The following THRB variants were observed in gnomAD, a reference collection of about 807,000 sequenced individuals.
THRB encodes nuclear receptor subfamily 1 group A member 2.
A neutral mutation model predicts 47.8 loss-of-function variants in THRB; 12 were observed. That is an observed-to-expected ratio of 0.25 (90% CI 0.16 to 0.41). THRB has a LOEUF of 0.41. Among genes scored for constraint, THRB ranks in the 10% least tolerant of loss-of-function variants. THRB has a pLI of 1.00. For synonymous variants in THRB, 218 were observed against 212.2 expected (o/e 1.03, Z -0.24); for missense variants, 348 against 589.2 (o/e 0.59, Z 4.24).
intron 1 of THRB, among the ~76,000 whole-genome samples, chr3:24,429,124 A>AT: frequency 6.6e-6 from 1 of 151,874 alleles, no homozygotes; most frequent in East Asian, 1.9e-4. Context: ...TATAAGTTAC[A>AT]TTTTAATACA....
At chr3:24,404,454 A>G (rs2067665788) in intron 1 of THRB, among the ~76,000 whole-genome samples, 1 of 151,942 alleles carries the variant, frequency 6.6e-6, no homozygotes, top group African/African-American at 2.4e-5. Context: ...TTTGCGGATT[A>G]ATTTTCTTCA....
At chr3:24,185,909 G>A (rs1362968031) in intron 5 of THRB, among the ~76,000 whole-genome samples, 1 of 152,176 alleles carries the variant, frequency 6.6e-6, no homozygotes, top group Non-Finnish European at 1.5e-5. Flanking sequence ...ACAGTGTGGG[G>A]TTCTCAGAAG....
intron 5 of THRB, among the ~76,000 whole-genome samples, chr3:24,177,993 T>A (rs138003488): frequency 6.6e-6 from 1 of 152,284 alleles, no homozygotes; most frequent in Non-Finnish European, 1.5e-5. Flanking sequence ...GCCCCTATTA[T>A]GGAGAAAGGT....
intron 3 of THRB, among the ~76,000 whole-genome samples, chr3:24,277,662 A>G (rs574571026): frequency 6.6e-6 from 1 of 152,326 alleles, no homozygotes; most frequent in South Asian, 2.1e-4. Context: ...CCAAAGTTAT[A>G]TTTATGTCAT....
At chr3:24,457,612 A>G (rs912646200) in intron 1 of THRB, among the ~76,000 whole-genome samples, 3 of 152,202 alleles carry the variant, frequency 2.0e-5, no homozygotes, top group Non-Finnish European at 4.4e-5. Context: ...TTTAAAGAAC[A>G]TTGCTGAAAA....
chr3:24,126,788 A>T (rs2032912033), intron 10 of THRB, among the ~76,000 whole-genome samples: 1 of 152,248 alleles, frequency 6.6e-6, no homozygotes, highest in South Asian at 2.1e-4. Context: ...GGGACCGTTG[A>T]GTCCTGGCTG....
intron 2 of THRB, among the ~76,000 whole-genome samples, chr3:24,322,857 A>G (rs1385164261): frequency 6.6e-6 from 1 of 152,196 alleles, no homozygotes; most frequent in East Asian, 1.9e-4. Flanking sequence ...TCTTTCACAG[A>G]AAAGATTAGC....
chr3:24,288,522 T>C (rs2055572406), intron 3 of THRB, among the ~76,000 whole-genome samples: 1 of 152,180 alleles, frequency 6.6e-6, no homozygotes, highest in South Asian at 2.1e-4. Flanking sequence ...CTGTCCTCCA[T>C]TAATAGATTT....
intron 1 of THRB, among the ~76,000 whole-genome samples, chr3:24,483,145 T>C (rs1333720880): frequency 6.6e-6 from 1 of 152,136 alleles, no homozygotes; most frequent in Non-Finnish European, 1.5e-5. Flanking sequence ...TTTGTTCTTT[T>C]TACTTACCTC....
chr3:24,275,248 TAAATA>T (rs1006357424), intron 3 of THRB, among the ~76,000 whole-genome samples: 16 of 151,910 alleles, frequency 1.1e-4, no homozygotes, highest in African/African-American at 2.4e-4. Flanking sequence ...AACTAAAAAT[TAAATA>T]AAAGTTTTAA....
chr3:24,131,949 T>A (rs966590969), intron 9 of THRB, among the ~76,000 whole-genome samples: 4 of 152,138 alleles, frequency 2.6e-5, no homozygotes, highest in African/African-American at 9.7e-5. Context: ...CTCAGGTAGG[T>A]CTAGGGGCAA....
intron 3 of THRB, among the ~76,000 whole-genome samples, chr3:24,253,894 T>C (rs993231372): frequency 1.3e-5 from 2 of 151,844 alleles, no homozygotes; most frequent in Non-Finnish European, 2.9e-5. Context: ...ATGTTTTCCA[T>C]GTCTTCAAAC....
At chr3:24,438,078 C>A (rs2071151504) in intron 1 of THRB, among the ~76,000 whole-genome samples, 1 of 56,876 alleles carries the variant, frequency 1.8e-5, no homozygotes, top group Non-Finnish European at 4.4e-5. Context: ...TTAGGTGGGG[C>A]AGGCACAATT....
chr3:24,128,863 CTTTTTTTTTT>C (rs57890674), intron 9 of THRB, among the ~76,000 whole-genome samples: 4,175 of 87,118 alleles, frequency 0.048, 316 homozygotes, highest in African/African-American at 0.13. Flanking sequence ...AAACATAACT[CTTTTTTTTTT>C]TTTTTTTTTT....
chr3:24,336,158 G>C (rs560377479), intron 2 of THRB, among the ~76,000 whole-genome samples: 1 of 152,308 alleles, frequency 6.6e-6, no homozygotes, highest in East Asian at 1.9e-4. Flanking sequence ...TTTTTGATAT[G>C]AGAACTATGG....
At chr3:24,131,667 T>C (rs1004850645) in intron 9 of THRB, among the ~76,000 whole-genome samples, 2 of 152,150 alleles carry the variant, frequency 1.3e-5, no homozygotes, top group Non-Finnish European at 2.9e-5. Flanking sequence ...TGTGCCCTTG[T>C]AAAAGACATC....
intron 1 of THRB, among the ~76,000 whole-genome samples, chr3:24,352,492 C>G (rs1229948542): frequency 6.6e-6 from 1 of 152,092 alleles, no homozygotes. Flanking sequence ...CTTAATGGAC[C>G]AGAAGCCAAA....
intron 1 of THRB, among the ~76,000 whole-genome samples, chr3:24,392,534 C>T (rs941895790): frequency 6.6e-6 from 1 of 152,072 alleles, no homozygotes; most frequent in African/African-American, 2.4e-5. Context: ...CTATGGACTT[C>T]ACCTAAAAAA....
chr3:24,366,311 G>T (rs2064453375), intron 1 of THRB, among the ~76,000 whole-genome samples: 1 of 152,016 alleles, frequency 6.6e-6, no homozygotes, highest in African/African-American at 2.4e-5. Context: ...GGAGAGAATT[G>T]CCAATCTTAG....
Sources: gnomAD v4.1 joint callset for allele counts (sites outside exome capture counted in the v4.1 genomes callset) on GRCh38, gnomAD v4.1.1 for gene constraint, MANE v1.5 for transcripts, NCBI Gene and HGNC (gene_info 2026-07-23, HGNC 2026-07-21) for gene names.